The following ASAP2 variants were observed in gnomAD, a reference collection of about 807,000 sequenced individuals.
The protein encoded by ASAP2 is arf-GAP with SH3 domain, ANK repeat and PH domain-containing protein 2.
ASAP2 carries 45 observed loss-of-function variants against 131.4 expected under a neutral mutation model. The observed-to-expected ratio is 0.34, with a 90% CI of 0.27 to 0.44. The LOEUF (loss-of-function observed/expected upper bound fraction) is 0.44, where lower values mean the gene tolerates loss of function less well. Among genes scored for constraint, ASAP2 ranks in the 20% least tolerant of loss-of-function variants. ASAP2 has a pLI of 1.00. For missense variants in ASAP2, 1,011 were observed against 1,297.0 expected (o/e 0.78, Z 3.39); for synonymous variants, 510 against 503.0 (o/e 1.01, Z -0.19).
chr2:9,381,226 T>C (rs1038766943), intron 20 of ASAP2, among the ~76,000 whole-genome samples: 5 of 152,224 alleles, frequency 3.3e-5, no homozygotes, highest in African/African-American at 1.2e-4. Flanking sequence ...ATACCATCTT[T>C]TCCTGTTCTG....
rs754524176 is a variant in ASAP2, at chr2:9,358,928, G to A, written c.1461+39G>A. The stretch of plus-strand genomic sequence containing the variant: ...CCTTGATTTCAGATTGGAAACAAAT[G>A]AGCTGTAAGCTAAATTTTACTTTTG... On this transcript the variant is annotated intron_variant, in intron 15 of 27. Coordinates refer to ENST00000281419, the MANE Select transcript of ASAP2 (RefSeq NM_003887.3). The A allele has an allele frequency of 4.4e-6, 7 of 1,583,784 alleles. No individual in the cohort carries two copies. In the South Asian group the frequency reaches 8.0e-5, roughly 18 times the overall value.
At chr2:9,336,846 C>T (rs1048862404) in intron 9 of ASAP2, among the ~76,000 whole-genome samples, 1 of 152,176 alleles carries the variant, frequency 6.6e-6, no homozygotes, top group Non-Finnish European at 1.5e-5. Context: ...CCCAGCGCAC[C>T]GTTGGAAATG....
In ASAP2 at chr2:9,235,557, T is replaced by C. The variant is rs368967861; in HGVS notation, c.126+28327T>C. On this transcript the variant is annotated intron_variant, in intron 1 of 27. Coordinates refer to ENST00000281419, the MANE Select transcript of ASAP2 (RefSeq NM_003887.3). ...TGGGCTGATTGGAAAGCCCAGTACA[T>C]TAGGGAGTGAAGGGAGTGAAGTAAA... Among the ~76,000 whole-genome samples the C allele has an allele frequency of 5.3e-5, 8 of 152,066 alleles. No homozygotes were observed. In the East Asian group the frequency reaches 9.7e-4, roughly 18 times the overall value.
At chr2:9,403,055 G>A (rs558835390) in intron 27 of ASAP2, among the ~76,000 whole-genome samples, 198 bp from the exon 28 acceptor site, 2 of 152,340 alleles carry the variant, frequency 1.3e-5, no homozygotes, top group African/African-American at 4.8e-5. Flanking sequence ...CCTTACACGG[G>A]AGAGGCCTGC....
At chr2:9,293,660 A>T (rs942745237) in intron 2 of ASAP2, among the ~76,000 whole-genome samples, 1 of 152,166 alleles carries the variant, frequency 6.6e-6, no homozygotes, top group Admixed American at 6.5e-5. Context: ...AGTCAGTGCC[A>T]TGTTAATCAT....
At chr2:9,279,465 G>T in intron 2 of ASAP2, 76 bp downstream of exon 2, 2 of 1,389,054 alleles carry the variant, frequency 1.4e-6, no homozygotes, top group South Asian at 2.3e-5. Context: ...TAATATTGAT[G>T]ACCATTAACA....
chr2:9,236,171 A>T (rs145368880), intron 1 of ASAP2, among the ~76,000 whole-genome samples: 60 of 151,182 alleles, frequency 4.0e-4, no homozygotes, highest in Admixed American at 7.3e-4. Context: ...TGGCACCTGG[A>T]CTGCTTTGGG....
At position 9,318,615 on chromosome 2, in the gene ASAP2, G is replaced by A. The variant is rs1290790987; in HGVS notation, c.420+17G>A. The A allele has an allele frequency of 1.2e-5, 19 of 1,586,934 alleles. No homozygotes were observed. The highest frequency in any genetic ancestry group is 2.7e-5 in the African/African-American group (2 of 73,978). On this transcript the variant is annotated intron_variant, in intron 4 of 27. Coordinates refer to ENST00000281419, the MANE Select transcript of ASAP2 (RefSeq NM_003887.3). ...GTGAAAGGGGTATGACATTGACACT[G>A]TGACACCAGGGGCAGCTTTTACACC...
At chr2:9,333,355 C>T (rs1380432663) in intron 7 of ASAP2, among the ~76,000 whole-genome samples, 1 of 152,216 alleles carries the variant, frequency 6.6e-6, no homozygotes, top group African/African-American at 2.4e-5. Context: ...AACAATCACA[C>T]TAATGAATAC....
rs1023989444 is a variant in ASAP2 at position 9,323,828 on chromosome 2, C to T, written c.600+578C>T. Among the ~76,000 whole-genome samples, 11 of 152,302 alleles carry T rather than the reference C, an allele frequency of 7.2e-5. No homozygotes were observed. The South Asian group carries it at 8.3e-4, about 11-fold the overall frequency. The stretch of plus-strand genomic sequence containing the variant: ...AGCCTCAGCCCTTCCCTTAGTGAGG[C>T]GGAGACAGCAGGATGGACACTCTCA... On this transcript the variant is annotated intron_variant, in intron 6 of 27. Coordinates refer to ENST00000281419, the MANE Select transcript of ASAP2 (RefSeq NM_003887.3).
Position 9,393,611 on chromosome 2 carries a change from C to T in ASAP2, c.2648C>T (p.Pro883Leu), listed in dbSNP as rs879384204. 20 of 1,588,390 alleles carry T rather than the reference C, an allele frequency of 1.3e-5. No homozygotes were observed. Among genetic ancestry groups the T allele is most frequent in the Admixed American group, 1.7e-5 (1 of 57,598 alleles). ...AGGCCCCCACCTCTGCCCCCACAGC[C>T]GCCCAGCCGCCTCCCGCAGAAGAAG... is the stretch of plus-strand genomic sequence containing the variant. ...QIRPPPLPPQ[P>L]PSRLPQKKPA... Residue 883 changes from proline to leucine, a missense_variant, in exon 24 of 28, where the codon CCG (proline) becomes CTG (leucine). Pro to Leu is a moderately conservative substitution (Grantham distance 98, BLOSUM62 -3). Transcript: ENST00000281419.
At position 9,403,345 on chromosome 2, in the gene ASAP2, G is replaced by A; in HGVS notation, c.*18G>A. On this transcript the variant is annotated 3_prime_UTR_variant, in exon 28 of 28. Coordinates refer to ENST00000281419, the MANE Select transcript of ASAP2 (RefSeq NM_003887.3). ...CTGACTGAATTGCTACTGAACAAAAGCATTAACAGTTATGTTCCTGTTTCG... is the reference window on the plus strand; with the variant it reads ...CTGACTGAATTGCTACTGAACAAAAACATTAACAGTTATGTTCCTGTTTCG... The A allele has an allele frequency of 6.2e-7, 1 of 1,611,140 alleles. No individual in the cohort carries two copies. Among genetic ancestry groups the A allele is most frequent in the East Asian group, 2.2e-5 (1 of 44,852 alleles).
chr2:9,221,785 A>C (rs1210968667), intron 1 of ASAP2, among the ~76,000 whole-genome samples: 2 of 151,466 alleles, frequency 1.3e-5, no homozygotes, highest in East Asian at 3.9e-4. Flanking sequence ...TAAGCTGAGC[A>C]CCTTTTATTT....
Position 9,327,881 on chromosome 2 carries a change from A to C in ASAP2, c.656A>C (p.Asn219Thr), listed in dbSNP as rs765537606. 2.5e-6 allele frequency: 4 copies of C among 1,584,082 alleles called. No individual in the cohort carries two copies. In the South Asian group the frequency reaches 4.7e-5, roughly 19 times the overall value. ...AAAAAGGGAGTAGATTTACTTCAGA[A>C]TCTGATCAAATACTTTCATGCCCAA... Reference protein sequence around the residue: ...KIKKGVDLLQNLIKYFHAQCN... With the variant: ...KIKKGVDLLQTLIKYFHAQCN... The change falls in exon 7 of 28, where the codon AAT (asparagine) becomes ACT (threonine). Residue 219 changes from asparagine (N) to threonine (T), a missense_variant. Physicochemically the swap from Asn to Thr is moderately conservative, Grantham distance 65. This residue lies in a region of ASAP2 where 359 missense variants were observed against 598.1 expected (regional missense o/e 0.60). Transcript: ENST00000281419.
At chr2:9,303,936 C>T (rs928130416) in intron 3 of ASAP2, among the ~76,000 whole-genome samples, 1 of 152,208 alleles carries the variant, frequency 6.6e-6, no homozygotes, top group Non-Finnish European at 1.5e-5. Flanking sequence ...GAGGACTGGG[C>T]ACCTGCTGGG....
chr2:9,287,121 C>A (rs1018749601), intron 2 of ASAP2, among the ~76,000 whole-genome samples: 3 of 152,256 alleles, frequency 2.0e-5, no homozygotes, highest in Admixed American at 1.3e-4. Context: ...AGGTGAGCGT[C>A]CCGTCTCTGC....
chr2:9,318,701 G>A, intron 4 of ASAP2, 103 bp downstream of exon 4: 1 of 697,494 alleles, frequency 1.4e-6, no homozygotes. Context: ...TTCTCATTGG[G>A]ACGATAGGAT....
At chr2:9,223,282 T>C (rs1003604414) in intron 1 of ASAP2, among the ~76,000 whole-genome samples, 1 of 152,234 alleles carries the variant, frequency 6.6e-6, no homozygotes, top group African/African-American at 2.4e-5. Context: ...GTAAAGGAGA[T>C]TTGATTGATC....
chr2:9,216,614 C>T (rs1330526880), intron 1 of ASAP2, among the ~76,000 whole-genome samples: 1 of 151,964 alleles, frequency 6.6e-6, no homozygotes. Flanking sequence ...GTGCCAACCA[C>T]CACACCCAGC....
Sources: allele counts gnomAD v4.1 joint callset (sites outside exome capture counted in the v4.1 genomes callset), GRCh38; gene constraint gnomAD v4.1.1; regional missense constraint gnomAD v4.1.1; transcripts MANE v1.5; gene names NCBI Gene and HGNC (gene_info 2026-07-23, HGNC 2026-07-21).